Variants in PLD1 observed in about 807,000 individuals in gnomAD.
The protein encoded by PLD1 is choline phosphatase 1.
Under a neutral mutation model 137.1 loss-of-function variants are expected in PLD1, and 112 were observed. The observed-to-expected ratio is 0.82, with a 90% CI of 0.70 to 0.96. PLD1 has a LOEUF of 0.96. Among genes scored for constraint, PLD1 ranks in the 40% least tolerant of loss-of-function variants. The pLI is 0.00. For synonymous variants in PLD1, 431 were observed against 454.7 expected, an observed-to-expected ratio of 0.95 and a Z score of 0.66; for missense variants, 1,321 against 1,342.0, an observed-to-expected ratio of 0.98 and a Z score of 0.24.
chr3:171,662,373 G>A (rs1006790121), intron 19 of PLD1, among the ~76,000 whole-genome samples: 10 of 152,174 alleles, frequency 6.6e-5, no homozygotes, highest in African/African-American at 2.4e-4. Context: ...GTCCTTGGAT[G>A]TAGTCCATAA....
chr3:171,782,243 G>A (rs973738218), intron 1 of PLD1, among the ~76,000 whole-genome samples: 2 of 152,242 alleles, frequency 1.3e-5, no homozygotes, highest in African/African-American at 4.8e-5. Context: ...GCATAAGAGG[G>A]TGGTCTGGGG....
chr3:171,680,000 G>C (rs1199562498), intron 16 of PLD1, among the ~76,000 whole-genome samples: 10 of 152,078 alleles, frequency 6.6e-5, no homozygotes, highest in Admixed American at 3.9e-4. Flanking sequence ...CCAATTTTCT[G>C]CATCCTCCTC....
At chr3:171,641,931 G>GTTT (rs1735788630) in intron 23 of PLD1, among the ~76,000 whole-genome samples, 1 of 152,058 alleles carries the variant, frequency 6.6e-6, no homozygotes, top group African/African-American at 2.4e-5. Flanking sequence ...GGCTGTCCAC[G>GTTT]TTTTCACAAT....
rs367912727 is a variant in PLD1, at chr3:171,688,661, G to T, written c.1539+15C>A. 3.8e-6 allele frequency: 6 copies of T among 1,584,100 alleles called. No homozygotes were observed. Among genetic ancestry groups the T allele is most frequent in the Non-Finnish European group, 5.2e-6 (6 of 1,152,806 alleles). On this transcript the variant is annotated intron_variant, in intron 14 of 26. Transcript: ENST00000351298. ...GTTCGTGTTATACATTTCCATAAAGGTTAAATATACTTACTGGGAGGGAAC... is the reference window on the plus strand; with the variant it reads ...GTTCGTGTTATACATTTCCATAAAGTTTAAATATACTTACTGGGAGGGAAC...
At chr3:171,691,453 C>T (rs760537991) in intron 13 of PLD1, among the ~76,000 whole-genome samples, 35 of 151,960 alleles carry the variant, frequency 2.3e-4, no homozygotes, top group Admixed American at 9.8e-4. Context: ...ATTCCTTTCT[C>T]ATTTCTTTTT....
At chr3:171,639,347 T>C (rs1422521843) in intron 23 of PLD1, among the ~76,000 whole-genome samples, 1 of 131,818 alleles carries the variant, frequency 7.6e-6, no homozygotes, top group African/African-American at 2.9e-5. Flanking sequence ...AAATAAAAGA[T>C]ATATATGAAT....
intron 23 of PLD1, among the ~76,000 whole-genome samples, chr3:171,625,280 A>G (rs1051585189): frequency 6.6e-6 from 1 of 152,222 alleles, no homozygotes; most frequent in Non-Finnish European, 1.5e-5. Context: ...TCAAACTGCA[A>G]GGTGGCAGCG....
At chr3:171,768,260 G>A (rs373222047) in intron 1 of PLD1, among the ~76,000 whole-genome samples, 1 of 152,226 alleles carries the variant, frequency 6.6e-6, no homozygotes, top group East Asian at 1.9e-4. Context: ...TGAATTTCCA[G>A]GGTGGATGGC....
At chr3:171,809,392 C>A (rs926235295) in intron 1 of PLD1, 10 of 152,134 alleles carry the variant, frequency 6.6e-5, no homozygotes, top group African/African-American at 2.4e-4. Flanking sequence ...TTCATTGCAC[C>A]ACCACGAACT....
intron 8 of PLD1, among the ~76,000 whole-genome samples, chr3:171,717,598 G>A (rs1717772566): frequency 6.6e-6 from 1 of 152,226 alleles, no homozygotes; most frequent in African/African-American, 2.4e-5. Flanking sequence ...CATTGCTGAA[G>A]ATGTATATCA....
intron 1 of PLD1, among the ~76,000 whole-genome samples, chr3:171,804,128 A>G (rs1335149471): frequency 6.6e-6 from 1 of 151,948 alleles, no homozygotes; most frequent in African/African-American, 2.4e-5. Flanking sequence ...TTGGGTCTGT[A>G]TCTTCAGAGG....
chr3:171,699,661 T>C, intron 12 of PLD1, 84 bp downstream of exon 12: 1 of 937,844 alleles, frequency 1.1e-6, no homozygotes, highest in East Asian at 2.4e-5. Flanking sequence ...AAGTTATACG[T>C]GTGAAAGGCT....
chr3:171,725,570 T>A lies in PLD1; in HGVS notation c.665+448A>T, dbSNP rs185463446. 2.6e-5 allele frequency among the ~76,000 whole-genome samples: 4 copies of A among 152,368 alleles called. No homozygotes were observed. The East Asian group carries it at 7.7e-4, about 29-fold the overall frequency. On this transcript the variant is annotated intron_variant, in intron 7 of 26. Coordinates refer to ENST00000351298, the MANE Select transcript of PLD1 (RefSeq NM_002662.5). ...ACTTGAAAGTTAAGCTCTTTATGTT[T>A]TCAAGCTCTAATATTGTGAAGGAAA...
chr3:171,609,351 T>C (rs78192532), intron 25 of PLD1, among the ~76,000 whole-genome samples: 38,674 of 152,042 alleles, frequency 0.25, 5,290 homozygotes, highest in Admixed American at 0.3. Flanking sequence ...GAGCTAAATA[T>C]AGAACTATCA....
intron 1 of PLD1, among the ~76,000 whole-genome samples, chr3:171,804,049 A>C (rs1178835223): frequency 2.6e-5 from 4 of 152,208 alleles, no homozygotes; most frequent in South Asian, 4.1e-4. Context: ...ACATTTAAAA[A>C]ACAATATCTA....
At chr3:171,744,638 T>C (rs544939914) in intron 1 of PLD1, among the ~76,000 whole-genome samples, 2 of 152,348 alleles carry the variant, frequency 1.3e-5, no homozygotes, top group South Asian at 2.1e-4. Flanking sequence ...AGAATAGAAG[T>C]TGAACTCACG....
At chr3:171,617,969 T>A (rs1279265900) in intron 24 of PLD1, among the ~76,000 whole-genome samples, 5 of 152,164 alleles carry the variant, frequency 3.3e-5, no homozygotes, top group Non-Finnish European at 7.4e-5. Flanking sequence ...AACACTGTTT[T>A]CTGTGTTAGG....
chr3:171,606,036 G>T (rs866095667), intron 25 of PLD1, among the ~76,000 whole-genome samples: 3 of 152,146 alleles, frequency 2.0e-5, no homozygotes, highest in African/African-American at 7.2e-5. Context: ...ACACACTCTG[G>T]GGGGCAAGGG....
chr3:171,648,563 T>C (rs1736463672), intron 21 of PLD1, among the ~76,000 whole-genome samples: 1 of 152,124 alleles, frequency 6.6e-6, no homozygotes, highest in Non-Finnish European at 1.5e-5. Flanking sequence ...GTTACTTTTT[T>C]TTTTTTTTTG....
Sources: gnomAD v4.1 joint callset for allele counts (sites outside exome capture counted in the v4.1 genomes callset) on GRCh38, gnomAD v4.1.1 for gene constraint, MANE v1.5 for transcripts, NCBI Gene and HGNC (gene_info 2026-07-23, HGNC 2026-07-21) for gene names.